THSD7B: variants seen among roughly 807,000 people sequenced by gnomAD.
THSD7B encodes the protein thrombospondin type-1 domain-containing protein 7B.
THSD7B carries 138 observed loss-of-function variants against 213.6 expected under a neutral mutation model. The observed-to-expected ratio is 0.65, with a 90% CI of 0.56 to 0.74. The LOEUF is 0.74. Among genes scored for constraint, THSD7B ranks in the 30% least tolerant of loss-of-function variants. The probability of loss-of-function intolerance (pLI) is 0.00; values close to 1 mark genes in which losing one functional copy is unlikely to be tolerated. For synonymous variants in THSD7B, 742 were observed against 687.0 expected (o/e 1.08, Z -1.25); for missense variants, 1,931 against 1,991.5 (o/e 0.97, Z 0.58).
intron 2 of THSD7B, among the ~76,000 whole-genome samples, chr2:136,977,808 T>G (rs28886625): frequency 3.2e-5 from 3 of 92,534 alleles, no homozygotes; most frequent in African/African-American, 6.2e-5. Context: ...TTTGTTTTTT[T>G]TTTTTTTTTT....
intron 2 of THSD7B, among the ~76,000 whole-genome samples, chr2:136,996,269 T>C (rs1332093419): frequency 1.3e-5 from 2 of 152,004 alleles, no homozygotes; most frequent in Admixed American, 1.3e-4. Flanking sequence ...TATTTTAATT[T>C]ACCAAAAAAT....
intron 11 of THSD7B, 36 bp from the exon 12 acceptor site, chr2:137,275,887 G>A (rs1558739252): frequency 6.6e-7 from 1 of 1,516,818 alleles, no homozygotes; most frequent in South Asian, 1.2e-5. Context: ...GTTGATCACA[G>A]TAAAGTTTCT....
intron 12 of THSD7B, among the ~76,000 whole-genome samples, chr2:137,319,942 G>C (rs1481327525): frequency 1.3e-5 from 2 of 152,182 alleles, no homozygotes; most frequent in Admixed American, 1.3e-4. Context: ...CTGGCTCATG[G>C]ATGAGACTCC....
At chr2:137,200,709 C>T (rs959281269) in intron 7 of THSD7B, among the ~76,000 whole-genome samples, 1 of 151,928 alleles carries the variant, frequency 6.6e-6, no homozygotes, top group Non-Finnish European at 1.5e-5. Flanking sequence ...GACTAGAGTG[C>T]AGTAGCACAA....
chr2:137,202,927 T>C (rs1680908688), intron 7 of THSD7B, among the ~76,000 whole-genome samples: 1 of 152,082 alleles, frequency 6.6e-6, no homozygotes, highest in South Asian at 2.1e-4. Flanking sequence ...AGAGAGATGA[T>C]GGCTAGATAA....
intron 1 of THSD7B, among the ~76,000 whole-genome samples, chr2:136,859,398 C>T (rs1483669892): frequency 6.6e-6 from 1 of 152,166 alleles, no homozygotes; most frequent in East Asian, 1.9e-4. Flanking sequence ...TAAAAATTCT[C>T]TTCTCGAATA....
intron 2 of THSD7B, among the ~76,000 whole-genome samples, chr2:136,930,823 A>G (rs531887258): frequency 1.8e-4 from 27 of 152,246 alleles, no homozygotes; most frequent in African/African-American, 6.5e-4. Context: ...GACAAATAGG[A>G]AATAATCAAT....
At chr2:137,458,538 A>C (rs900661373) in intron 15 of THSD7B, among the ~76,000 whole-genome samples, 26 of 152,160 alleles carry the variant, frequency 1.7e-4, no homozygotes, top group African/African-American at 6.3e-4. Flanking sequence ...TCTTGCAGCT[A>C]ATCTGGACGC....
intron 2 of THSD7B, among the ~76,000 whole-genome samples, chr2:137,005,645 C>T (rs1686090782): frequency 1.3e-5 from 2 of 152,140 alleles, no homozygotes; most frequent in Non-Finnish European, 1.5e-5. Flanking sequence ...ATTAATTTGG[C>T]TTCTATTGTA....
intron 5 of THSD7B, among the ~76,000 whole-genome samples, chr2:137,141,174 G>A (rs1423928919): frequency 6.6e-6 from 1 of 152,156 alleles, no homozygotes; most frequent in Non-Finnish European, 1.5e-5. Context: ...ATTCTGAGAT[G>A]TATTGGCCGA....
At chr2:136,990,910 G>A (rs1386542639) in intron 2 of THSD7B, 2 of 1,349,822 alleles carry the variant, frequency 1.5e-6, no homozygotes, top group Non-Finnish European at 2.0e-6. Context: ...CACAGCAGAT[G>A]AGGTGGTTTT....
intron 21 of THSD7B, among the ~76,000 whole-genome samples, chr2:137,646,499 A>AAAG (rs1432942982): frequency 1.3e-5 from 2 of 150,362 alleles, no homozygotes; most frequent in African/African-American, 2.4e-5. Flanking sequence ...AAAAAAAAAA[A>AAAG]AAAAAAGCTG....
chr2:137,162,756 C>T (rs1412764525), intron 6 of THSD7B, among the ~76,000 whole-genome samples: 1 of 151,370 alleles, frequency 6.6e-6, no homozygotes, highest in Admixed American at 6.6e-5. Flanking sequence ...TTTCCTTTCA[C>T]TTTCCATTTC....
At chr2:137,309,481 G>A (rs12471247) in intron 12 of THSD7B, among the ~76,000 whole-genome samples, 9,208 of 149,916 alleles carry the variant, frequency 0.061, 1,032 homozygotes, top group East Asian at 0.53. Context: ...AAAGTTCAGA[G>A]TTTTATATAT....
intron 2 of THSD7B, among the ~76,000 whole-genome samples, chr2:137,009,653 T>G (rs1686186737): frequency 6.6e-6 from 1 of 152,158 alleles, no homozygotes; most frequent in Non-Finnish European, 1.5e-5. Flanking sequence ...AGGGAACCCC[T>G]TGTAAAACTA....
At chr2:137,485,855 A>C (rs552664265) in intron 15 of THSD7B, among the ~76,000 whole-genome samples, 1 of 152,138 alleles carries the variant, frequency 6.6e-6, no homozygotes, top group South Asian at 2.1e-4. Context: ...ATTCTTAAAG[A>C]AAAGAATTTT....
At chr2:136,943,940 C>T (rs1684879040) in intron 2 of THSD7B, among the ~76,000 whole-genome samples, 3 of 152,120 alleles carry the variant, frequency 2.0e-5, no homozygotes. Flanking sequence ...AATTTGTTTG[C>T]TCTCGCTTCT....
intron 13 of THSD7B, among the ~76,000 whole-genome samples, 158 bp downstream of exon 13, chr2:137,405,965 C>G (rs1461893636): frequency 6.6e-6 from 1 of 152,144 alleles, no homozygotes; most frequent in East Asian, 1.9e-4. Flanking sequence ...ATGCCTGGTA[C>G]GTAACAAGTA....
At chr2:136,899,745 C>T (rs756858277) in intron 2 of THSD7B, among the ~76,000 whole-genome samples, 7 of 152,094 alleles carry the variant, frequency 4.6e-5, no homozygotes, top group African/African-American at 7.2e-5. Context: ...TCTCATAGTG[C>T]GACCCAGAAT....
Sources: allele counts gnomAD v4.1 joint callset (sites outside exome capture counted in the v4.1 genomes callset), GRCh38; gene constraint gnomAD v4.1.1; transcripts MANE v1.5; gene names NCBI Gene and HGNC (gene_info 2026-07-23, HGNC 2026-07-21).